Variants in USH2A observed in about 807,000 individuals in gnomAD.
USH2A encodes Usher syndrome 2A (autosomal recessive, mild).
USH2A carries 443 observed loss-of-function variants against 538.9 expected under a neutral mutation model. The observed-to-expected ratio is 0.82, with a 90% confidence interval of 0.76 to 0.89. The LOEUF (loss-of-function observed/expected upper bound fraction) is 0.89. USH2A is among the 40% of genes least tolerant of loss of function. The probability of loss-of-function intolerance (pLI) is 0.00; values close to 1 mark genes in which losing one functional copy is unlikely to be tolerated. For missense variants in USH2A, 6,633 were observed against 6,324.8 expected (o/e 1.05, Z -1.65); for synonymous variants, 2,413 against 2,273.5 (o/e 1.06, Z -1.75).
intron 61 of USH2A, among the ~76,000 whole-genome samples, chr1:215,701,628 C>T (rs894677341): frequency 1.3e-5 from 2 of 152,148 alleles, no homozygotes; most frequent in Non-Finnish European, 2.9e-5. Flanking sequence ...TTATCAAAGA[C>T]TAGGATTGCA....
chr1:216,174,329 TA>T, intron 21 of USH2A: 2 of 981,022 alleles, frequency 2.0e-6, no homozygotes, highest in Middle Eastern at 1.0e-3. Flanking sequence ...TAAATTTTTT[TA>T]AAAATTGGAA....
intron 30 of USH2A, among the ~76,000 whole-genome samples, chr1:216,053,540 T>C (rs2030869733): frequency 6.6e-6 from 1 of 150,498 alleles, no homozygotes; most frequent in Non-Finnish European, 1.5e-5. Flanking sequence ...ACAAACTCTG[T>C]GAAATCAGAA....
chr1:215,706,953 G>C (rs1342631552), intron 61 of USH2A, among the ~76,000 whole-genome samples: 3 of 152,146 alleles, frequency 2.0e-5, no homozygotes, highest in Non-Finnish European at 4.4e-5. Flanking sequence ...AAGAGAAAAT[G>C]TACTTAAGCT....
At position 215,829,864 on chromosome 1, in the gene USH2A, T is replaced by TG. The variant is rs548463863; in HGVS notation, c.9371+8126dup. Among the ~76,000 whole-genome samples the TG allele has an allele frequency of 1.2e-4, 19 of 152,140 alleles. No individual in the cohort carries two copies. In the East Asian group the frequency reaches 2.9e-3, roughly 23 times the overall value. ...ATCAAGTTTTTGCTAGGCTTCTGAC[T>TG]GGGGGGGAAAAGGAAAGTTGCCAAA... On this transcript the variant is annotated intron_variant, in intron 47 of 71. Transcript: ENST00000307340.
At chr1:215,707,706 T>C (rs1659219011) in intron 61 of USH2A, among the ~76,000 whole-genome samples, 1 of 152,194 alleles carries the variant, frequency 6.6e-6, no homozygotes, top group South Asian at 2.1e-4. Context: ...CTGGCATGGT[T>C]CTAGGCACTA....
At chr1:216,224,908 T>C (rs1190147597) in intron 14 of USH2A, among the ~76,000 whole-genome samples, 1 of 152,128 alleles carries the variant, frequency 6.6e-6, no homozygotes, top group Non-Finnish European at 1.5e-5. Context: ...AATTAATGTT[T>C]TAATTTCCAT....
intron 41 of USH2A, among the ~76,000 whole-genome samples, chr1:215,880,635 C>G (rs570418187): frequency 1.3e-4 from 20 of 152,026 alleles, no homozygotes; most frequent in Non-Finnish European, 2.5e-4. Context: ...GTCTGTGGAC[C>G]CGGAAAATGA....
intron 30 of USH2A, among the ~76,000 whole-genome samples, chr1:216,057,389 T>G (rs115595182): frequency 6.6e-6 from 1 of 152,144 alleles, no homozygotes; most frequent in Non-Finnish European, 1.5e-5. Flanking sequence ...AAGAAATATT[T>G]TGTAGCCTGT....
At chr1:216,350,910 A>G (rs2038269281) in intron 4 of USH2A, among the ~76,000 whole-genome samples, 1 of 151,924 alleles carries the variant, frequency 6.6e-6, no homozygotes, top group South Asian at 2.1e-4. Context: ...TTCTAGGGCC[A>G]TGAGGGTTAT....
chr1:215,706,162 G>T (rs1275981228), intron 61 of USH2A, among the ~76,000 whole-genome samples: 1 of 152,126 alleles, frequency 6.6e-6, no homozygotes, highest in Non-Finnish European at 1.5e-5. Flanking sequence ...CCTGTCTTTT[G>T]AGTCTGTGCT....
intron 55 of USH2A, among the ~76,000 whole-genome samples, chr1:215,775,434 T>G (rs1255395328): frequency 6.6e-6 from 1 of 152,246 alleles, no homozygotes; most frequent in African/African-American, 2.4e-5. Flanking sequence ...AGTTTACTAT[T>G]CAGTATTTAT....
chr1:215,655,047 A>G (rs888660552), intron 64 of USH2A, among the ~76,000 whole-genome samples: 2 of 152,194 alleles, frequency 1.3e-5, no homozygotes, highest in African/African-American at 4.8e-5. Context: ...TCTTTGTCAC[A>G]ATATATTCCT....
intron 32 of USH2A, among the ~76,000 whole-genome samples, chr1:216,028,867 T>C (rs916345429): frequency 3.2e-4 from 48 of 152,108 alleles, no homozygotes; most frequent in Admixed American, 3.0e-3. Context: ...TAGTATATTA[T>C]AAAGTGGTAA....
chr1:216,397,730 A>G (rs571672616), intron 3 of USH2A, among the ~76,000 whole-genome samples: 3 of 152,294 alleles, frequency 2.0e-5, no homozygotes, highest in East Asian at 1.9e-4. Flanking sequence ...GCCTTAGACT[A>G]TGGGATGCAC....
At position 216,050,616 on chromosome 1, in the gene USH2A, T is replaced by TCTTTCTTTCTTTC. The variant is rs1558231973; in HGVS notation, c.6050-1970_6050-1969insGAAAGAAAGAAAG. ...TCTTTCTTTCTTTCTTTTTTTTTTT[T>TCTTTCTTTCTTTC]TTTTTTGAGACAGAGTCTCGCTCAG... On this transcript the variant is annotated intron_variant, in intron 30 of 71. Transcript: ENST00000307340. Among the ~76,000 whole-genome samples, 91 of 47,534 alleles carry TCTTTCTTTCTTTC rather than the reference T, an allele frequency of 1.9e-3. 2 individuals are homozygous for TCTTTCTTTCTTTC. Among genetic ancestry groups the TCTTTCTTTCTTTC allele is most frequent in the Non-Finnish European group, 2.2e-3 (51 of 23,480 alleles). The allele number at this position is 47,534 out of a possible 152,430, so 31.2% of individuals were successfully genotyped here. A position where few individuals can be genotyped will look rare whatever the true frequency, so the allele number is the denominator to read the frequency against.
intron 35 of USH2A, among the ~76,000 whole-genome samples, chr1:215,987,095 T>G (rs1244238698): frequency 1.3e-5 from 2 of 152,186 alleles, no homozygotes; most frequent in Admixed American, 6.5e-5. Flanking sequence ...TCACTGTAAA[T>G]GTTATGCTAG....
rs1401696908 is a variant in USH2A at position 215,634,655 on chromosome 1, C to T, written c.15101G>A (p.Ser5034Asn). Residue 5034 changes from serine (S) to asparagine (N), a missense_variant, in exon 70 of 72, where the codon AGC becomes AAC. Transcript: ENST00000307340. Reference sequence around the variant, plus strand: ...CCACAGCTCGCTGTAGAACTCTGTGCTTTTGCTCCGCGATCCCTTCTTTTT... The same window carrying T: ...CCACAGCTCGCTGTAGAACTCTGTGTTTTTGCTCCGCGATCCCTTCTTTTT... The part of the protein sequence containing the change: ...PGKKKGSRSK[S>N]TEFYSELWFI... 1.9e-6 allele frequency: 3 copies of T among 1,614,156 alleles called. No homozygotes were observed. Among genetic ancestry groups the T allele is most frequent in the Admixed American group, 1.7e-5 (1 of 60,012 alleles).
intron 41 of USH2A, among the ~76,000 whole-genome samples, chr1:215,879,735 C>A (rs989647821): frequency 6.6e-6 from 1 of 152,190 alleles, no homozygotes; most frequent in Non-Finnish European, 1.5e-5. Context: ...AACATGTGGA[C>A]TTGAGCATCA....
Position 215,888,845 on chromosome 1 carries a change from C to G in USH2A, c.7804G>C (p.Ala2602Pro), listed in dbSNP as rs1253043440. ...PYTAYKFQVE[A>P]CTSKGCSLSP... ...AGGGAACATCCTTTTGAAGTGCAGG[C>G]TTCTACCTGAAACTTATAGGCAGTG... is the stretch of plus-strand genomic sequence containing the variant. Residue 2602 changes from alanine to proline, a missense_variant, in exon 41 of 72, where the codon GCC becomes CCC. Transcript: ENST00000307340. 6.2e-7 allele frequency: 1 copy of G among 1,614,014 alleles called. No individual in the cohort carries two copies. The highest frequency in any genetic ancestry group is 1.3e-5 in the African/African-American group (1 of 74,908).
Sources: allele counts gnomAD v4.1 joint callset (sites outside exome capture counted in the v4.1 genomes callset), GRCh38; gene constraint gnomAD v4.1.1; transcripts MANE v1.5; gene names NCBI Gene and HGNC (gene_info 2026-07-23, HGNC 2026-07-21).